NCOR2: variants seen among roughly 807,000 people sequenced by gnomAD.
NCOR2 encodes the protein CTG repeat protein 26.
A neutral mutation model predicts 262.9 loss-of-function variants in NCOR2; 81 were observed. The ratio of observed to expected loss-of-function variants is 0.31; its 90% confidence interval spans 0.26 to 0.37. The LOEUF (loss-of-function observed/expected upper bound fraction) is 0.37. Ranked by LOEUF, NCOR2 falls within the 10% of genes least tolerant of loss-of-function variation. The pLI is 1.00. For missense variants in NCOR2, 3,385 were observed against 3,621.4 expected (o/e 0.93, Z 1.68); for synonymous variants, 1,659 against 1,559.3 (o/e 1.06, Z -1.51).
Position 124,473,101 on chromosome 12 carries a change from C to T in NCOR2, c.442G>A (p.Val148Met). The change falls in exon 4 of 47, where the codon GTG (valine) becomes ATG (methionine). Residue 148 changes from valine (V) to methionine (M), a missense_variant. Val to Met is a conservative substitution (Grantham distance 21). This residue lies in a region of NCOR2 where 237 missense variants were observed against 229.4 expected (regional missense o/e 1.03). Coordinates refer to ENST00000405201, the Ensembl canonical transcript of NCOR2. ...GTGTGCGGGGGGCTGGGGGGAGACA[C>T]CGGTTCCAGCTTGCCCGTCAGGCTA... 6.2e-7 allele frequency: 1 copy of T among 1,613,996 alleles called. No homozygotes were observed. The highest frequency in any genetic ancestry group is 8.5e-7 in the Non-Finnish European group (1 of 1,180,032).
intron 1 of NCOR2, among the ~76,000 whole-genome samples, chr12:124,487,964 T>C (rs938434423): frequency 6.6e-6 from 1 of 152,134 alleles, no homozygotes; most frequent in Non-Finnish European, 1.5e-5. Context: ...AGATTAGTTC[T>C]GTCTGCCTGG....
chr12:124,494,190 A>G (rs1262201872), intron 1 of NCOR2, among the ~76,000 whole-genome samples: 1 of 152,070 alleles, frequency 6.6e-6, no homozygotes, highest in Admixed American at 6.6e-5. Flanking sequence ...TGGTTCTCAC[A>G]AGAGGGGACC....
Position 124,365,660 on chromosome 12 carries a change from G to A in NCOR2, c.2808-1861C>T, listed in dbSNP as rs191877149. On this transcript the variant is annotated intron_variant, in intron 20 of 46. Coordinates refer to ENST00000405201, the Ensembl canonical transcript of NCOR2. ...CATGGCGCACAGACGGGGGCCAGAC[G>A]AGGAAGGTCACCCTGACTTCTGCAT... 3.9e-5 allele frequency among the ~76,000 whole-genome samples: 6 copies of A among 152,216 alleles called. No homozygotes were observed. In the East Asian group the frequency reaches 7.7e-4, roughly 20 times the overall value.
At chr12:124,464,358 G>C (rs982210486) in intron 5 of NCOR2, among the ~76,000 whole-genome samples, 54 of 152,190 alleles carry the variant, frequency 3.5e-4, no homozygotes, top group African/African-American at 1.2e-3. Flanking sequence ...CTCCACCGAG[G>C]ATCAGAGAGG....
chr12:124,451,155 T>G (rs2045502583), intron 6 of NCOR2, among the ~76,000 whole-genome samples: 1 of 152,274 alleles, frequency 6.6e-6, no homozygotes, highest in Non-Finnish European at 1.5e-5. Flanking sequence ...TAGCCTGGCC[T>G]GCAGGAAGCG....
intron 37 of NCOR2, among the ~76,000 whole-genome samples, chr12:124,338,840 T>A (rs1399705225): frequency 6.6e-6 from 1 of 151,878 alleles, no homozygotes; most frequent in African/African-American, 2.4e-5. Context: ...GGGGCCTCCA[T>A]CCACTCATCC....
Position 124,334,218 on chromosome 12 carries a change from G to C in NCOR2, c.6605+206C>G, listed in dbSNP as rs377205505. 1.8e-3 allele frequency: 887 copies of C among 500,970 alleles called. 7 individuals are homozygous for C. Among genetic ancestry groups the C allele is most frequent in the Non-Finnish European group, 1.4e-4 (39 of 285,466 alleles). 31.0% of individuals were successfully genotyped at this position (500,970 alleles called of 1,614,324 possible). A position where few individuals can be genotyped will look rare whatever the true frequency, so the allele number is the denominator to read the frequency against. On this transcript the variant is annotated intron_variant, in intron 41 of 46. Coordinates refer to ENST00000405201, the Ensembl canonical transcript of NCOR2. Reference sequence around the variant, plus strand: ...TACACGTGAGTGCCTGGAACCCACTGAGCACAGCATGTACTTTCATCAGCT... The same window carrying C: ...TACACGTGAGTGCCTGGAACCCACTCAGCACAGCATGTACTTTCATCAGCT...
chr12:124,564,475 G>A (rs964174055), intron 1 of NCOR2, among the ~76,000 whole-genome samples: 5 of 152,132 alleles, frequency 3.3e-5, no homozygotes, highest in African/African-American at 1.2e-4. Context: ...AGGAAACAGG[G>A]AAGGGAAAAC....
intron 23 of NCOR2, among the ~76,000 whole-genome samples, chr12:124,356,075 C>G (rs2135923819): frequency 6.6e-6 from 1 of 152,368 alleles, no homozygotes; most frequent in East Asian, 1.9e-4. Context: ...TTCAGTTTCT[C>G]AAGCTTTGCC....
chr12:124,368,750 C>T (rs1291718063), intron 20 of NCOR2, among the ~76,000 whole-genome samples: 2 of 152,248 alleles, frequency 1.3e-5, no homozygotes, highest in African/African-American at 4.8e-5. Flanking sequence ...CTCCCCTGCT[C>T]CCCATGCCCC....
At chr12:124,326,814 T>C (rs531634117) in intron 45 of NCOR2, among the ~76,000 whole-genome samples, 1 of 152,204 alleles carries the variant, frequency 6.6e-6, no homozygotes, top group African/African-American at 2.4e-5. Context: ...CAGAAGCTTC[T>C]TGGGGCCTCA....
chr12:124,465,626 T>C (rs1378220174), intron 5 of NCOR2, among the ~76,000 whole-genome samples: 1 of 152,132 alleles, frequency 6.6e-6, no homozygotes, highest in African/African-American at 2.4e-5. Context: ...ACTCAGGCCC[T>C]GTGGTCTGAC....
chr12:124,473,123 G>T, exon 4 of NCOR2: 4 of 1,613,822 alleles, frequency 2.5e-6, no homozygotes, highest in Middle Eastern at 1.7e-4. Flanking sequence ...TGCCCGTCAG[G>T]CTACGGTCCT....
rs1218514386 is a variant in NCOR2 at position 124,549,507 on chromosome 12, G to C, written c.-164-13896C>G. Among the ~76,000 whole-genome samples the C allele has an allele frequency of 6.6e-6, 1 of 152,072 alleles. No homozygotes were observed. The highest frequency in any genetic ancestry group is 2.4e-5 in the African/African-American group (1 of 41,402). On this transcript the variant is annotated intron_variant, in intron 1 of 32. Coordinates refer to the NCOR2 transcript ENST00000458234. This position sits in a 1 kb window ranked among gnomAD's most constrained non-coding sequence, Gnocchi z 4.4. Reference sequence around the variant, plus strand: ...GTAGAAACCCCCACCCGCGAGGCCAGGCACAGAGAAGGTACCAAGGGCTTC... The same window carrying C: ...GTAGAAACCCCCACCCGCGAGGCCACGCACAGAGAAGGTACCAAGGGCTTC...
At chr12:124,456,979 C>T (rs1253459059) in intron 6 of NCOR2, 127 bp downstream of exon 8, 9 of 908,818 alleles carry the variant, frequency 9.9e-6, no homozygotes, top group African/African-American at 5.3e-5. Context: ...GCTTCCTCCG[C>T]GGACGCCGCC....
Position 124,416,540 on chromosome 12 carries a change from C to T in NCOR2, c.1482+3417G>A, listed in dbSNP as rs142647043. The stretch of plus-strand genomic sequence containing the variant: ...AGACCGGCGGCACAGGGAGACCCCG[C>T]GGCACAGGGAGACCCGCGGCACAGA... On this transcript the variant is annotated intron_variant, in intron 13 of 46. Transcript: ENST00000405201. Among the ~76,000 whole-genome samples the T allele has an allele frequency of 7.0e-3, 1,055 of 150,126 alleles. 6 individuals carry two copies. The highest frequency in any genetic ancestry group is 0.023 in the African/African-American group (947 of 40,788).
chr12:124,402,573 C>A lies in NCOR2; in HGVS notation c.1483-12G>T. The A allele has an allele frequency of 1.3e-6, 2 of 1,552,322 alleles. No homozygotes were observed. The stretch of plus-strand genomic sequence containing the variant: ...TGTTGTTGCTGCTGCTGTCAGACCC[C>A]GGGGGAGGGCAGAGGGGAGTGGGGA... On this transcript the variant is annotated splice_polypyrimidine_tract_variant and intron_variant, in intron 13 of 46. Coordinates refer to ENST00000405201, the Ensembl canonical transcript of NCOR2.
intron 16 of NCOR2, among the ~76,000 whole-genome samples, chr12:124,391,852 T>C (rs1381932988): frequency 6.6e-6 from 1 of 152,220 alleles, no homozygotes; most frequent in Non-Finnish European, 1.5e-5. Context: ...TCGCCTACCA[T>C]TTCCGGAAGT....
At chr12:124,354,127 T>C (rs2037747349) in exon 27 of NCOR2, 2 of 1,610,740 alleles carry the variant, frequency 1.2e-6, no homozygotes, top group Non-Finnish European at 1.7e-6. Context: ...GATGGCGCTG[T>C]CCGAGGGCAC....
Sources: allele counts gnomAD v4.1 joint callset (sites outside exome capture counted in the v4.1 genomes callset), GRCh38; gene constraint gnomAD v4.1.1; regional missense constraint gnomAD v4.1.1; non-coding constraint Gnocchi (gnomAD v3.1); transcripts MANE v1.5; gene names NCBI Gene and HGNC (gene_info 2026-07-23, HGNC 2026-07-21).